CDH1: variants seen among roughly 807,000 people sequenced by gnomAD.
CDH1 encodes cadherin-1.
Under a neutral mutation model 84.5 loss-of-function variants are expected in CDH1, and 35 were observed. That is an observed-to-expected ratio of 0.41 (90% CI 0.32 to 0.55). CDH1 has a LOEUF of 0.55. CDH1 is among the 20% of genes least tolerant of loss of function. CDH1 has a pLI of 0.19. For missense variants in CDH1, 994 were observed against 1,126.6 expected, an observed-to-expected ratio of 0.88 and a Z score of 1.68; for synonymous variants, 417 against 439.0, an observed-to-expected ratio of 0.95 and a Z score of 0.63.
At chr16:68,768,922 C>A (rs1959464250) in intron 2 of CDH1, among the ~76,000 whole-genome samples, 1 of 152,226 alleles carries the variant, frequency 6.6e-6, no homozygotes, top group Non-Finnish European at 1.5e-5. Context: ...GCACCCTTCC[C>A]CCAGGCATCC....
intron 2 of CDH1, among the ~76,000 whole-genome samples, chr16:68,769,296 T>G (rs1230031546): frequency 6.6e-6 from 1 of 152,188 alleles, no homozygotes; most frequent in African/African-American, 2.4e-5. Flanking sequence ...AAATGTTTCA[T>G]ACAGTTAGAT....
At chr16:68,796,215 T>C (rs1221942621) in intron 2 of CDH1, among the ~76,000 whole-genome samples, 1 of 152,026 alleles carries the variant, frequency 6.6e-6, no homozygotes, top group Non-Finnish European at 1.5e-5. Flanking sequence ...GTGTTCGCTG[T>C]GGGAAATGTG....
intron 8 of CDH1, 69 bp downstream of exon 8, chr16:68,812,332 A>G (rs1960863278): frequency 2.0e-6 from 3 of 1,523,398 alleles, no homozygotes; most frequent in Non-Finnish European, 2.7e-6. Context: ...AAGTGTCACC[A>G]CTGCTCATGG....
At chr16:68,754,682 C>T (rs1211648199) in intron 2 of CDH1, among the ~76,000 whole-genome samples, 2 of 152,152 alleles carry the variant, frequency 1.3e-5, no homozygotes, top group Non-Finnish European at 2.9e-5. Context: ...ATCATTCCTT[C>T]TCTGAAGGTC....
intron 2 of CDH1, among the ~76,000 whole-genome samples, chr16:68,798,448 G>A (rs562442112): frequency 6.6e-6 from 1 of 152,156 alleles, no homozygotes; most frequent in African/African-American, 2.4e-5. Flanking sequence ...ATCAGCCCAG[G>A]GGATCAGGTT....
chr16:68,749,948 A>G (rs1330961265), intron 2 of CDH1, among the ~76,000 whole-genome samples: 5 of 150,480 alleles, frequency 3.3e-5, no homozygotes, highest in Admixed American at 1.3e-4. Context: ...TACCTTTTTC[A>G]TCTCACTTAT....
At chr16:68,778,508 G>T (rs1254745528) in intron 2 of CDH1, among the ~76,000 whole-genome samples, 2 of 152,224 alleles carry the variant, frequency 1.3e-5, no homozygotes, top group Non-Finnish European at 2.9e-5. Context: ...GTGAGCCCCA[G>T]TGATTCCACG....
At chr16:68,777,534 C>CTTTTTTTTTTT (rs71148949) in intron 2 of CDH1, among the ~76,000 whole-genome samples, 1 of 76,986 alleles carries the variant, frequency 1.3e-5, no homozygotes, top group African/African-American at 4.9e-5. Context: ...GTAATGTTTC[C>CTTTTTTTTTTT]TTTTTTTTTT....
intron 1 of CDH1, 89 bp downstream of exon 1, chr16:68,737,552 C>T: frequency 9.0e-7 from 1 of 1,104,986 alleles, no homozygotes; most frequent in South Asian, 1.3e-5. Flanking sequence ...CCGTCGTCAC[C>T]GCTTCCCTTC....
rs200148272 is a variant in CDH1 at position 68,806,122 on chromosome 16, A to ATATTTATTTATT, written c.388-2268_388-2257dup. On this transcript the variant is annotated intron_variant, in intron 3 of 15. Transcript: ENST00000261769. ...GCCACCATGCCTGGCTAATTTTTGT[A>ATATTTATTTATT]TATTTATTTATTTATTTATTTATTT... Among the ~76,000 whole-genome samples, 59 of 144,528 alleles carry ATATTTATTTATT rather than the reference A, an allele frequency of 4.1e-4. 1 individual carries two copies. The highest frequency in any genetic ancestry group is 4.8e-4 in the Non-Finnish European group (32 of 66,218). The allele number at this position is 144,528 out of a possible 152,430, so 94.8% of individuals were successfully genotyped here.
chr16:68,818,036 C>G (rs984529960), intron 10 of CDH1, among the ~76,000 whole-genome samples: 4 of 151,766 alleles, frequency 2.6e-5, no homozygotes, highest in African/African-American at 9.7e-5. Context: ...GTCAGGAGAT[C>G]GAGACTATCC....
At chr16:68,798,920 C>T (rs1960428816) in intron 2 of CDH1, among the ~76,000 whole-genome samples, 2 of 152,178 alleles carry the variant, frequency 1.3e-5, no homozygotes, top group Non-Finnish European at 2.9e-5. Context: ...TATGGCTCAG[C>T]TGTTCAGTTA....
At position 68,808,773 on chromosome 16, in the gene CDH1, C is replaced by G. The variant is rs1555515273; in HGVS notation, c.612C>G (p.Val204=). The G allele has an allele frequency of 6.2e-7, 1 of 1,614,108 alleles. No homozygotes were observed. Among genetic ancestry groups the G allele is most frequent in the Middle Eastern group, 1.6e-4 (1 of 6,062 alleles). The change falls in exon 5 of 16, where the codon GTC becomes GTG. Residue 204 remains valine, a synonymous_variant. Coordinates refer to ENST00000261769, the MANE Select transcript of CDH1 (RefSeq NM_004360.5). The stretch of plus-strand genomic sequence containing the variant: ...GAGCTGACACACCCCCTGTTGGTGT[C>G]TTTATTATTGAAAGAGAAACAGGAT... ...GQGADTPPVG[V]FIIERETGWL...
chr16:68,832,290 T>G (rs1385836491), intron 15 of CDH1, among the ~76,000 whole-genome samples: 1 of 151,962 alleles, frequency 6.6e-6, no homozygotes, highest in Non-Finnish European at 1.5e-5. Flanking sequence ...CCTAAAAGTT[T>G]TTTTTTTTTT....
intron 2 of CDH1, among the ~76,000 whole-genome samples, chr16:68,760,963 A>G (rs557675355): frequency 2.0e-5 from 3 of 152,272 alleles, no homozygotes; most frequent in South Asian, 4.1e-4. Flanking sequence ...TCCTGTGCAG[A>G]GACTGGGAGA....
chr16:68,750,065 G>T (rs1275392242), intron 2 of CDH1, among the ~76,000 whole-genome samples: 1 of 151,448 alleles, frequency 6.6e-6, no homozygotes, highest in African/African-American at 2.4e-5. Context: ...TCCCATCTTG[G>T]CCTCTCGAAG....
At position 68,834,298 on chromosome 16, in the gene CDH1, A is replaced by C. The variant is rs1163620552; in HGVS notation, c.*799A>C. The C allele has an allele frequency of 2.0e-6, 1 of 511,134 alleles. No homozygotes were observed. Among genetic ancestry groups the C allele is most frequent in the African/African-American group, 1.9e-5 (1 of 52,604 alleles). 31.7% of individuals were successfully genotyped at this position (511,134 alleles called of 1,614,324 possible). On this transcript the variant is annotated 3_prime_UTR_variant, in exon 16 of 16. Coordinates refer to ENST00000261769, the MANE Select transcript of CDH1 (RefSeq NM_004360.5). ...ATTTTTTAAGAGACAGTTTCGCTCC[A>C]TCGCCCAGGCCTGGGATGCAGTGAT...
At chr16:68,754,781 G>T (rs1962977102) in intron 2 of CDH1, among the ~76,000 whole-genome samples, 1 of 152,226 alleles carries the variant, frequency 6.6e-6, no homozygotes, top group Admixed American at 6.5e-5. Flanking sequence ...TGGGGATGCA[G>T]CGGGGCCCAA....
intron 2 of CDH1, among the ~76,000 whole-genome samples, chr16:68,760,587 G>C (rs141501872): frequency 6.6e-6 from 1 of 152,076 alleles, no homozygotes; most frequent in African/African-American, 2.4e-5. Context: ...TCTGGGCAAG[G>C]TGTCTTTATT....
Sources: allele counts gnomAD v4.1 joint callset (sites outside exome capture counted in the v4.1 genomes callset), GRCh38; gene constraint gnomAD v4.1.1; transcripts MANE v1.5; gene names NCBI Gene and HGNC (gene_info 2026-07-23, HGNC 2026-07-21).